RBFOX2: variants seen among roughly 807,000 people sequenced by gnomAD.
The protein encoded by RBFOX2 is RNA binding fox-1 homolog 2.
Under a neutral mutation model 49.1 loss-of-function variants are expected in RBFOX2, and 10 were observed. The observed-to-expected ratio is 0.20, with a 90% CI of 0.13 to 0.35. The LOEUF is 0.35. RBFOX2 is among the 10% of genes least tolerant of loss of function. The pLI, the probability that RBFOX2 is intolerant of heterozygous loss-of-function variation, is 1.00. For synonymous variants in RBFOX2, 183 were observed against 187.4 expected, an observed-to-expected ratio of 0.98 and a Z score of 0.19; for missense variants, 323 against 486.9, an observed-to-expected ratio of 0.66 and a Z score of 3.17.
At chr22:35,927,404 A>G (rs939201057) in intron 1 of RBFOX2, among the ~76,000 whole-genome samples, 1 of 152,136 alleles carries the variant, frequency 6.6e-6, no homozygotes, top group Non-Finnish European at 1.5e-5. Flanking sequence ...TGGGAGTTCG[A>G]GACCAGCCTG....
At chr22:35,744,851 T>G (rs183768372) in intron 11 of RBFOX2, among the ~76,000 whole-genome samples, 35 of 152,368 alleles carry the variant, frequency 2.3e-4, no homozygotes, top group African/African-American at 8.4e-4. Flanking sequence ...CTAGGCTTTA[T>G]TCCTTTATGT....
At chr22:35,976,671 C>T (rs550738468) in intron 1 of RBFOX2, among the ~76,000 whole-genome samples, 21 of 151,960 alleles carry the variant, frequency 1.4e-4, no homozygotes, top group Admixed American at 9.2e-4. Context: ...AGTAAGAAAA[C>T]GAACCACCCG....
intron 2 of RBFOX2, among the ~76,000 whole-genome samples, chr22:35,791,292 G>C (rs548601214): frequency 1.3e-4 from 20 of 151,806 alleles, no homozygotes; most frequent in Middle Eastern, 3.4e-3. Context: ...GACTGAGGCA[G>C]GAGAATCACT....
chr22:35,914,358 C>T (rs1348318532), intron 1 of RBFOX2, among the ~76,000 whole-genome samples: 4 of 152,192 alleles, frequency 2.6e-5, no homozygotes, highest in Non-Finnish European at 4.4e-5. Context: ...AGCGATAAAA[C>T]GCCACTGGAA....
At chr22:35,976,211 C>A (rs2057140717) in intron 1 of RBFOX2, among the ~76,000 whole-genome samples, 1 of 152,190 alleles carries the variant, frequency 6.6e-6, no homozygotes. Context: ...AGGTTCAACA[C>A]TTTTCATGTT....
chr22:35,998,798 C>A (rs2058293570), intron 1 of RBFOX2: 1 of 152,528 alleles, frequency 6.6e-6, no homozygotes, highest in African/African-American at 2.4e-5. Flanking sequence ...AGAAAAAAAG[C>A]ATTTGATCAA....
intron 1 of RBFOX2, among the ~76,000 whole-genome samples, chr22:35,903,105 CCTG>C (rs548261049): frequency 6.6e-6 from 1 of 152,146 alleles, no homozygotes; most frequent in Non-Finnish European, 1.5e-5. Flanking sequence ...CCTCCAGCTA[CCTG>C]CTATTTCCCT....
At chr22:35,874,512 A>G (rs541498984) in intron 1 of RBFOX2, among the ~76,000 whole-genome samples, 3 of 152,356 alleles carry the variant, frequency 2.0e-5, no homozygotes, top group Non-Finnish European at 2.9e-5. Flanking sequence ...AAAAACAGAA[A>G]GGAAATTTGA....
chr22:35,895,287 G>C (rs2047705992), intron 1 of RBFOX2, among the ~76,000 whole-genome samples: 2 of 152,184 alleles, frequency 1.3e-5, no homozygotes, highest in African/African-American at 4.8e-5. Flanking sequence ...CCAGTTTCTA[G>C]TGCTAGATAT....
At chr22:35,948,056 T>C (rs895793345) in intron 1 of RBFOX2, among the ~76,000 whole-genome samples, 2 of 152,192 alleles carry the variant, frequency 1.3e-5, no homozygotes, top group African/African-American at 4.8e-5. Flanking sequence ...CTGTGTATCA[T>C]TTTTATCTTT....
intron 1 of RBFOX2, among the ~76,000 whole-genome samples, chr22:35,950,081 T>C (rs1335476351): frequency 2.0e-5 from 3 of 151,890 alleles, no homozygotes; most frequent in Non-Finnish European, 4.4e-5. Flanking sequence ...TTTGAGTTAA[T>C]TTTGGTATTG....
At chr22:36,002,164 T>A (rs2058453120) in intron 1 of RBFOX2, among the ~76,000 whole-genome samples, 1 of 152,134 alleles carries the variant, frequency 6.6e-6, no homozygotes, top group African/African-American at 2.4e-5. Flanking sequence ...GAAAGTACGG[T>A]AACATAATAG....
chr22:35,837,052 C>T (rs367881299), intron 1 of RBFOX2, among the ~76,000 whole-genome samples: 4 of 152,252 alleles, frequency 2.6e-5, no homozygotes, highest in South Asian at 2.1e-4. Context: ...GCATGTCTAT[C>T]GGCTATATTA....
At chr22:35,802,443 C>T (rs909931189) in intron 2 of RBFOX2, among the ~76,000 whole-genome samples, 1 of 152,170 alleles carries the variant, frequency 6.6e-6, no homozygotes, top group Non-Finnish European at 1.5e-5. Context: ...CAATCAATGG[C>T]AGACAGACAA....
At chr22:35,828,206 C>G (rs1956146484) in intron 1 of RBFOX2, among the ~76,000 whole-genome samples, 1 of 147,212 alleles carries the variant, frequency 6.8e-6, no homozygotes, top group Non-Finnish European at 1.5e-5. Context: ...TTACCTGAAA[C>G]TACTAAAAAA....
intron 2 of RBFOX2, among the ~76,000 whole-genome samples, chr22:35,797,917 C>T (rs1949073337): frequency 6.6e-6 from 1 of 152,146 alleles, no homozygotes; most frequent in Non-Finnish European, 1.5e-5. Context: ...CTTCTAAAAG[C>T]ATCTCTTAAT....
intron 2 of RBFOX2, among the ~76,000 whole-genome samples, chr22:35,805,412 T>C (rs1453295530): frequency 6.7e-6 from 1 of 148,254 alleles, no homozygotes; most frequent in Non-Finnish European, 1.5e-5. Context: ...ATCAGGGAAA[T>C]GCAAACTAAA....
chr22:36,027,970 C>A (rs904207711), intron 1 of RBFOX2, among the ~76,000 whole-genome samples: 2 of 152,154 alleles, frequency 1.3e-5, no homozygotes, highest in Non-Finnish European at 2.9e-5. Context: ...TCCATCTCAA[C>A]CTTGTTCGAT....
intron 1 of RBFOX2, among the ~76,000 whole-genome samples, chr22:35,828,358 C>A (rs1411048222): frequency 6.6e-6 from 1 of 152,070 alleles, no homozygotes. Flanking sequence ...CAGGCTGCAG[C>A]AGAGAAGGAA....
Sources: allele counts gnomAD v4.1 joint callset (sites outside exome capture counted in the v4.1 genomes callset), GRCh38; gene constraint gnomAD v4.1.1; transcripts MANE v1.5; gene names NCBI Gene and HGNC (gene_info 2026-07-23, HGNC 2026-07-21).